COL6A6: variants seen among roughly 807,000 people sequenced by gnomAD.
The protein encoded by COL6A6 is collagen alpha-6(VI) chain.
COL6A6 carries 183 observed loss-of-function variants against 208.6 expected under a neutral mutation model. The ratio of observed to expected loss-of-function variants is 0.88; its 90% confidence interval spans 0.78 to 0.99. The LOEUF (loss-of-function observed/expected upper bound fraction) is 0.99. Among genes scored for constraint, COL6A6 ranks in the 50% least tolerant of loss-of-function variants. The pLI, the probability that COL6A6 is intolerant of heterozygous loss-of-function variation, is 0.00. For synonymous variants in COL6A6, 973 were observed against 1,011.8 expected (o/e 0.96, Z 0.73); for missense variants, 2,816 against 2,815.2 (o/e 1.00, Z -0.01).
chr3:130,573,089 G>T (rs2063203247), intron 7 of COL6A6, among the ~76,000 whole-genome samples: 1 of 152,094 alleles, frequency 6.6e-6, no homozygotes, highest in South Asian at 2.1e-4. Flanking sequence ...AGCAGAAAGG[G>T]GCTGATAAAA....
At chr3:130,552,472 A>G (rs1305920187) in intron 1 of COL6A6, among the ~76,000 whole-genome samples, 2 of 150,790 alleles carry the variant, frequency 1.3e-5, no homozygotes, top group African/African-American at 4.9e-5. Flanking sequence ...TTTTTTTCTC[A>G]TTTCTGTTGG....
chr3:130,634,233 ATAAATAAAT>A (rs2065035863), intron 26 of COL6A6, among the ~76,000 whole-genome samples: 10 of 58,292 alleles, frequency 1.7e-4, no homozygotes, highest in African/African-American at 2.9e-4. Context: ...AAATAAATAA[ATAAATAAAT>A]AAAAAAAAAA....
intron 20 of COL6A6, among the ~76,000 whole-genome samples, chr3:130,600,915 A>C (rs551742360): frequency 2.6e-4 from 39 of 152,256 alleles, no homozygotes; most frequent in African/African-American, 8.9e-4. Flanking sequence ...GAAAGAAAAG[A>C]AGTCAGTCCT....
At chr3:130,585,405 T>C (rs1211090531) in intron 10 of COL6A6, among the ~76,000 whole-genome samples, 1 of 152,186 alleles carries the variant, frequency 6.6e-6, no homozygotes, top group African/African-American at 2.4e-5. Flanking sequence ...TACATACCAA[T>C]AGAGTTATAT....
chr3:130,522,246 T>C (rs1711116182), intron 1 of COL6A6, among the ~76,000 whole-genome samples: 1 of 152,228 alleles, frequency 6.6e-6, no homozygotes, highest in African/African-American at 2.4e-5. Flanking sequence ...CTTGTTTAAC[T>C]TGTATCTTAT....
Position 130,665,047 on chromosome 3 carries a change from A to G in COL6A6, c.6547A>G (p.Asn2183Asp). Residue 2183 changes from asparagine (N) to aspartate (D), a missense_variant, in exon 36 of 37, where the codon AAC becomes GAC. By Grantham distance (23) the Asn-to-Asp change is conservative (BLOSUM62 1). Coordinates refer to ENST00000358511, the MANE Select transcript of COL6A6 (RefSeq NM_001102608.3). ...YPPINLKIKC[N>D]RLNSIDPKQP... Reference sequence around the variant, plus strand: ...ACCAATAAACTTAAAAATAAAGTGCAACAGACTTAACTCTATAGATCCAAA... The same window carrying G: ...ACCAATAAACTTAAAAATAAAGTGCGACAGACTTAACTCTATAGATCCAAA... 6.2e-7 allele frequency: 1 copy of G among 1,610,480 alleles called. No homozygotes were observed. Among genetic ancestry groups the G allele is most frequent in the South Asian group, 1.1e-5 (1 of 89,982 alleles).
At chr3:130,666,457 G>A (rs553879912) in intron 36 of COL6A6, among the ~76,000 whole-genome samples, 13 of 152,150 alleles carry the variant, frequency 8.5e-5, no homozygotes, top group Admixed American at 5.2e-4. Context: ...GGGTGTGTGC[G>A]TGAATGAATA....
At chr3:130,551,722 G>T (rs998179345) in intron 1 of COL6A6, among the ~76,000 whole-genome samples, 1 of 150,058 alleles carries the variant, frequency 6.7e-6, no homozygotes, top group Non-Finnish European at 1.5e-5. Flanking sequence ...TTTGCTCTTG[G>T]TTCTCTAGTT....
rs188471171 is a variant in COL6A6 at position 130,637,362 on chromosome 3, A to G, written c.5091+1601A>G. 4.1e-3 allele frequency among the ~76,000 whole-genome samples: 623 copies of G among 151,850 alleles called. 1 individual carries two copies. The highest frequency in any genetic ancestry group is 6.7e-3 in the Non-Finnish European group (456 of 67,970). Reference sequence around the variant, plus strand: ...ACATCAGAAGCACGCTAACAAGTTCATGGTTGGATCCCTCCCCACAAAGTC... The same window carrying G: ...ACATCAGAAGCACGCTAACAAGTTCGTGGTTGGATCCCTCCCCACAAAGTC... On this transcript the variant is annotated intron_variant, in intron 28 of 36. Coordinates refer to ENST00000358511, the MANE Select transcript of COL6A6 (RefSeq NM_001102608.3).
At chr3:130,551,292 C>T (rs1260960561) in intron 1 of COL6A6, among the ~76,000 whole-genome samples, 2 of 152,154 alleles carry the variant, frequency 1.3e-5, no homozygotes. Flanking sequence ...TTGAATCCAC[C>T]TGGTCCTGTG....
intron 10 of COL6A6, among the ~76,000 whole-genome samples, chr3:130,583,474 GA>G (rs762000580): frequency 6.6e-5 from 10 of 152,184 alleles, no homozygotes; most frequent in Non-Finnish European, 1.3e-4. Context: ...TTTCTTCCAG[GA>G]AGTGCTTTGG....
At chr3:130,562,836 A>G (rs938386117) in intron 2 of COL6A6, among the ~76,000 whole-genome samples, 6 of 152,124 alleles carry the variant, frequency 3.9e-5, no homozygotes, top group African/African-American at 1.4e-4. Flanking sequence ...TGCAAAAGTT[A>G]TGTTTAATTT....
intron 34 of COL6A6, 29 bp downstream of exon 34, chr3:130,658,801 G>C: frequency 6.5e-7 from 1 of 1,535,982 alleles, no homozygotes; most frequent in Non-Finnish European, 9.0e-7. Flanking sequence ...AGGTAATTTG[G>C]TCAGGCCTAT....
chr3:130,617,151 G>T (rs1321121189), intron 23 of COL6A6, among the ~76,000 whole-genome samples: 1 of 152,096 alleles, frequency 6.6e-6, no homozygotes, highest in Non-Finnish European at 1.5e-5. Context: ...AAGTTTGGTG[G>T]TCCATTAGCC....
intron 1 of COL6A6, among the ~76,000 whole-genome samples, chr3:130,541,887 G>A (rs1187049502): frequency 6.6e-6 from 1 of 152,108 alleles, no homozygotes; most frequent in African/African-American, 2.4e-5. Context: ...GTGAGTTTTG[G>A]CAGCTTGTGT....
At chr3:130,583,242 A>G (rs2063464308) in intron 10 of COL6A6, among the ~76,000 whole-genome samples, 2 of 152,182 alleles carry the variant, frequency 1.3e-5, no homozygotes, top group South Asian at 4.2e-4. Flanking sequence ...TAAAGTTTTT[A>G]TTTTATCCCT....
At position 130,533,253 on chromosome 3, in the gene COL6A6, T is replaced by TAAAA. The variant is rs59750509; in HGVS notation, c.-32+15872_-32+15875dup. On this transcript the variant is annotated intron_variant, in intron 1 of 36. Transcript: ENST00000358511. ...TTTCATAGCCTTACATCCCAGGAAT[T>TAAAA]AAAAAAAAAAAAAAAAAAAGCAAAA... 1.4e-3 allele frequency among the ~76,000 whole-genome samples: 178 copies of TAAAA among 129,514 alleles called. 2 individuals are homozygous for TAAAA. The highest frequency in any genetic ancestry group is 4.9e-3 in the African/African-American group (166 of 33,742). The allele number at this position is 129,514 out of a possible 152,430, so 85.0% of individuals were successfully genotyped here.
rs78155084 is a variant in COL6A6, at chr3:130,571,258, A to G, written c.2842A>G (p.Ile948Val). The part of the protein sequence containing the change: ...DKGILVLAVG[I>V]DGANPVELLA... ...AGGCATTCTTGTCCTGGCTGTGGGG[A>G]TTGATGGTGCCAATCCCGTGGAGCT... is the stretch of plus-strand genomic sequence containing the variant. The change falls in exon 7 of 37, where the codon ATT becomes GTT. Residue 948 changes from isoleucine to valine, a missense_variant. Physicochemically the swap from Ile to Val is conservative, Grantham distance 29. Transcript: ENST00000358511. 1 of 1,613,952 alleles carries G rather than the reference A, an allele frequency of 6.2e-7. No homozygotes were observed. The highest frequency in any genetic ancestry group is 1.3e-5 in the African/African-American group (1 of 74,956).
At chr3:130,584,725 G>A (rs376352682) in intron 10 of COL6A6, among the ~76,000 whole-genome samples, 14 of 151,674 alleles carry the variant, frequency 9.2e-5, no homozygotes, top group East Asian at 3.9e-4. Flanking sequence ...AGTGATTCTC[G>A]TGTGTCAGCC....
Sources: allele counts gnomAD v4.1 joint callset (sites outside exome capture counted in the v4.1 genomes callset), GRCh38; gene constraint gnomAD v4.1.1; transcripts MANE v1.5; gene names NCBI Gene and HGNC (gene_info 2026-07-23, HGNC 2026-07-21).